Variants in RGS7 observed in about 807,000 individuals in gnomAD.
The protein encoded by RGS7 is regulator of G protein signaling 7.
RGS7 carries 27 observed loss-of-function variants against 81.1 expected under a neutral mutation model. The observed-to-expected ratio is 0.33, with a 90% CI of 0.25 to 0.46. RGS7 has a LOEUF of 0.46. Among genes scored for constraint, RGS7 ranks in the 20% least tolerant of loss-of-function variants. The pLI is 1.00. For missense variants in RGS7, 396 were observed against 607.4 expected (o/e 0.65, Z 3.66); for synonymous variants, 208 against 207.7 (o/e 1.00, Z -0.01).
At chr1:241,083,856 C>T in intron 3 of RGS7, among the ~76,000 whole-genome samples, 1 of 152,192 alleles carries the variant, frequency 6.6e-6, no homozygotes, top group Non-Finnish European at 1.5e-5. Context: ...CTATAGAACC[C>T]ATTTTAGTCA....
chr1:241,240,589 C>A (rs1012064649), intron 2 of RGS7, among the ~76,000 whole-genome samples: 2 of 151,960 alleles, frequency 1.3e-5, no homozygotes, highest in Non-Finnish European at 2.9e-5. Context: ...ATGAGGCTGC[C>A]CAATGCATGT....
intron 4 of RGS7, among the ~76,000 whole-genome samples, chr1:240,967,580 G>A (rs887986397): frequency 6.7e-6 from 1 of 148,674 alleles, no homozygotes; most frequent in African/African-American, 2.5e-5. Flanking sequence ...GGGGGGGGGG[G>A]GAAAAGGCTG....
chr1:241,329,305 A>G (rs2081818778), intron 2 of RGS7, among the ~76,000 whole-genome samples: 1 of 152,238 alleles, frequency 6.6e-6, no homozygotes, highest in Admixed American at 6.5e-5. Flanking sequence ...ATACAAAGAT[A>G]CTATCATTAG....
intron 6 of RGS7, among the ~76,000 whole-genome samples, chr1:240,905,162 A>G (rs1670620650): frequency 6.6e-6 from 1 of 152,204 alleles, no homozygotes; most frequent in African/African-American, 2.4e-5. Flanking sequence ...CTGTTGCCAC[A>G]GCACTATGTG....
At chr1:241,119,960 C>T (rs2066136172) in intron 2 of RGS7, among the ~76,000 whole-genome samples, 1 of 151,998 alleles carries the variant, frequency 6.6e-6, no homozygotes, top group Non-Finnish European at 1.5e-5. Flanking sequence ...CTTTTGTATG[C>T]AGCGCCTTGA....
At chr1:240,848,206 T>C (rs534148321) in intron 9 of RGS7, among the ~76,000 whole-genome samples, 76 of 152,284 alleles carry the variant, frequency 5.0e-4, no homozygotes, top group African/African-American at 1.6e-3. Flanking sequence ...GGAGCTGCCT[T>C]CTAGTAAGCT....
intron 2 of RGS7, among the ~76,000 whole-genome samples, chr1:241,160,110 C>CAAAAAAA (rs369734662): frequency 1.6e-3 from 90 of 55,422 alleles, no homozygotes; most frequent in Non-Finnish European, 2.1e-3. Context: ...GACTCCATCT[C>CAAAAAAA]AAAAAAAAAA....
At chr1:240,992,695 A>G (rs1686628570) in intron 3 of RGS7, among the ~76,000 whole-genome samples, 1 of 151,954 alleles carries the variant, frequency 6.6e-6, no homozygotes, top group South Asian at 2.1e-4. Flanking sequence ...TATTGAAAAT[A>G]CCAATTAATG....
At chr1:240,938,475 T>C (rs574119250) in intron 4 of RGS7, among the ~76,000 whole-genome samples, 4 of 152,308 alleles carry the variant, frequency 2.6e-5, no homozygotes, top group African/African-American at 7.2e-5. Context: ...AGTAGCTAGC[T>C]ATGGTACAGC....
chr1:240,895,128 C>T (rs1668843535), intron 6 of RGS7, among the ~76,000 whole-genome samples: 1 of 152,094 alleles, frequency 6.6e-6, no homozygotes, highest in South Asian at 2.1e-4. Flanking sequence ...CACTATGTGA[C>T]ATGCTTGTTC....
intron 3 of RGS7, among the ~76,000 whole-genome samples, chr1:241,020,120 T>C (rs2059465553): frequency 6.6e-6 from 1 of 152,200 alleles, no homozygotes; most frequent in Non-Finnish European, 1.5e-5. Flanking sequence ...AAAATGGGTA[T>C]AAGATGCCTT....
intron 2 of RGS7, among the ~76,000 whole-genome samples, chr1:241,263,790 A>G (rs1344004784): frequency 6.6e-6 from 1 of 152,160 alleles, no homozygotes; most frequent in African/African-American, 2.4e-5. Context: ...GGCCTCATGA[A>G]CCTTACATTT....
intron 9 of RGS7, among the ~76,000 whole-genome samples, chr1:240,849,813 G>A (rs1161561140): frequency 6.6e-6 from 1 of 152,180 alleles, no homozygotes; most frequent in Non-Finnish European, 1.5e-5. Context: ...GTAGAACGAT[G>A]AGCCAATTAA....
chr1:241,174,895 GTTTTTT>G (rs551122102), intron 2 of RGS7, among the ~76,000 whole-genome samples: 4 of 69,232 alleles, frequency 5.8e-5, no homozygotes, highest in African/African-American at 1.8e-4. Context: ...ACAGAATTTT[GTTTTTT>G]TTTTTTTTTT....
intron 4 of RGS7, among the ~76,000 whole-genome samples, chr1:240,979,307 T>C (rs761418446): frequency 2.0e-5 from 3 of 151,978 alleles, no homozygotes; most frequent in Non-Finnish European, 4.4e-5. Flanking sequence ...ATGTAAACAA[T>C]AAAAAGTATA....
At chr1:240,997,285 A>C (rs1370033898) in intron 3 of RGS7, among the ~76,000 whole-genome samples, 2 of 152,128 alleles carry the variant, frequency 1.3e-5, no homozygotes, top group East Asian at 3.9e-4. Context: ...CTAGCTCTAA[A>C]TATTTTTGAA....
intron 2 of RGS7, among the ~76,000 whole-genome samples, chr1:241,122,952 G>A (rs955745452): frequency 5.9e-5 from 9 of 152,222 alleles, no homozygotes; most frequent in African/African-American, 9.6e-5. Context: ...ACCACATTAA[G>A]TTGGGGACCA....
chr1:241,191,268 C>T (rs966310959), intron 2 of RGS7, among the ~76,000 whole-genome samples: 3 of 152,140 alleles, frequency 2.0e-5, no homozygotes, highest in African/African-American at 7.2e-5. Context: ...AGTGAGCCAC[C>T]GTGCCCGGCC....
intron 4 of RGS7, among the ~76,000 whole-genome samples, chr1:240,939,942 T>C (rs1393630207): frequency 2.0e-5 from 3 of 152,058 alleles, no homozygotes; most frequent in African/African-American, 7.2e-5. Flanking sequence ...TAGCTGGGCA[T>C]GGTGGCAGGC....
Sources: gnomAD v4.1 joint callset for allele counts (sites outside exome capture counted in the v4.1 genomes callset) on GRCh38, gnomAD v4.1.1 for gene constraint, MANE v1.5 for transcripts, NCBI Gene and HGNC (gene_info 2026-07-23, HGNC 2026-07-21) for gene names.